Variants in BANK1 observed in about 807,000 individuals in gnomAD.
BANK1 encodes B cell scaffold protein with ankyrin repeats 1.
A neutral mutation model predicts 94.5 loss-of-function variants in BANK1; 95 were observed. The ratio of observed to expected loss-of-function variants is 1.00; its 90% confidence interval spans 0.85 to 1.19. The LOEUF (loss-of-function observed/expected upper bound fraction) is 1.19, where lower values mean the gene tolerates loss of function less well. Ranked by LOEUF, BANK1 falls within the 50% of genes most tolerant of loss-of-function variation. The pLI is 0.00. For missense variants in BANK1, 987 were observed against 932.2 expected (o/e 1.06, Z -0.77); for synonymous variants, 334 against 308.4 (o/e 1.08, Z -0.87).
At chr4:101,868,155 A>G (rs1054076419) in intron 4 of BANK1, among the ~76,000 whole-genome samples, 1 of 152,024 alleles carries the variant, frequency 6.6e-6, no homozygotes, top group African/African-American at 2.4e-5. Context: ...GTGCAAAAGT[A>G]ATTGCGGTTT....
In BANK1 at chr4:101,959,670, T is replaced by A. The variant is rs77346975; in HGVS notation, c.1206+41481T>A. On this transcript the variant is annotated intron_variant, in intron 7 of 16. Coordinates refer to ENST00000322953, the MANE Select transcript of BANK1 (RefSeq NM_017935.5). ...CCTTTAGCAATAATTGGAAAGGCAG[T>A]CTTACTGGTGAGTTAATCAAATGTG... 2.2e-3 allele frequency among the ~76,000 whole-genome samples: 330 copies of A among 152,304 alleles called. 2 individuals carry two copies. Among genetic ancestry groups the A allele is most frequent in the African/African-American group, 7.8e-3 (324 of 41,578 alleles).
chr4:101,928,650 A>G (rs1417703073), intron 7 of BANK1, among the ~76,000 whole-genome samples: 5 of 151,710 alleles, frequency 3.3e-5, no homozygotes, highest in African/African-American at 9.7e-5. Context: ...AGAACTCTCT[A>G]TTATAAGAAT....
At chr4:101,825,681 G>C (rs544269931) in intron 1 of BANK1, among the ~76,000 whole-genome samples, 2 of 151,884 alleles carry the variant, frequency 1.3e-5, no homozygotes, top group South Asian at 2.1e-4. Context: ...CAACATGCCT[G>C]GTACATAGAA....
At chr4:101,919,847 T>C (rs1722944752) in intron 7 of BANK1, among the ~76,000 whole-genome samples, 1 of 152,020 alleles carries the variant, frequency 6.6e-6, no homozygotes, top group African/African-American at 2.4e-5. Flanking sequence ...TTCATGACCA[T>C]GGATAATTTT....
At chr4:102,033,034 A>G (rs1379097398) in intron 10 of BANK1, among the ~76,000 whole-genome samples, 4 of 152,118 alleles carry the variant, frequency 2.6e-5, no homozygotes, top group African/African-American at 9.7e-5. Flanking sequence ...ATGTAAGTCT[A>G]TTCACCTATG....
intron 5 of BANK1, among the ~76,000 whole-genome samples, chr4:101,884,665 C>A (rs1214463968): frequency 6.6e-6 from 1 of 152,158 alleles, no homozygotes; most frequent in African/African-American, 2.4e-5. Flanking sequence ...ACATAAGAGT[C>A]TCCTTAATAT....
intron 5 of BANK1, among the ~76,000 whole-genome samples, chr4:101,890,718 T>TA (rs1453270370): frequency 1.3e-5 from 2 of 150,014 alleles, no homozygotes; most frequent in Admixed American, 6.6e-5. Context: ...TTTCATTTGT[T>TA]ATTTTTTTTT....
chr4:101,936,680 C>T (rs1723573475), intron 7 of BANK1, among the ~76,000 whole-genome samples: 1 of 151,372 alleles, frequency 6.6e-6, no homozygotes, highest in South Asian at 2.1e-4. Flanking sequence ...CAAAAGAAGA[C>T]ATACAAATAA....
intron 9 of BANK1, among the ~76,000 whole-genome samples, chr4:102,029,334 G>T (rs116830509): frequency 0.014 from 2,192 of 151,592 alleles, 48 homozygotes; most frequent in African/African-American, 0.05. Flanking sequence ...CATTTTCAGA[G>T]AAATTAAATT....
At chr4:101,900,608 T>A (rs574271284) in intron 6 of BANK1, among the ~76,000 whole-genome samples, 4 of 152,208 alleles carry the variant, frequency 2.6e-5, no homozygotes, top group African/African-American at 9.6e-5. Flanking sequence ...GACATACTGA[T>A]AGATTGCAGA....
At chr4:101,909,206 G>A (rs1331014034) in intron 6 of BANK1, among the ~76,000 whole-genome samples, 3 of 152,142 alleles carry the variant, frequency 2.0e-5, no homozygotes, top group Non-Finnish European at 4.4e-5. Flanking sequence ...GGAATACTAT[G>A]CAGCCATAAA....
intron 7 of BANK1, among the ~76,000 whole-genome samples, chr4:102,001,180 C>T (rs1726056581): frequency 6.6e-6 from 1 of 152,194 alleles, no homozygotes; most frequent in Admixed American, 6.5e-5. Context: ...TGAATAAAGG[C>T]TGTACGTTCA....
At chr4:102,067,760 TAA>T (rs1202814454) in intron 13 of BANK1, among the ~76,000 whole-genome samples, 1 of 152,004 alleles carries the variant, frequency 6.6e-6, no homozygotes, top group Non-Finnish European at 1.5e-5. Context: ...CAAAAATCAT[TAA>T]AGATACAGAA....
intron 7 of BANK1, among the ~76,000 whole-genome samples, chr4:101,967,602 G>A (rs528127626): frequency 1.4e-4 from 22 of 151,980 alleles, no homozygotes; most frequent in South Asian, 4.2e-4. Flanking sequence ...TAACTTTGTC[G>A]CTTTTTTTTA....
rs534387423 is a variant in BANK1, at chr4:102,026,697, C to T, written c.1594+1188C>T. On this transcript the variant is annotated intron_variant, in intron 9 of 16. Coordinates refer to ENST00000322953, the MANE Select transcript of BANK1 (RefSeq NM_017935.5). ...ATACAAAAATTAGCTGGGCGTGCAC[C>T]TGTAATGCCAGCAACTGGGGAGGCT... Among the ~76,000 whole-genome samples the T allele has an allele frequency of 2.6e-5, 4 of 151,872 alleles. No individual in the cohort carries two copies. The South Asian group carries it at 8.3e-4, about 32-fold the overall frequency.
At chr4:101,999,143 T>C (rs1725976723) in intron 7 of BANK1, among the ~76,000 whole-genome samples, 3 of 152,212 alleles carry the variant, frequency 2.0e-5, no homozygotes, top group Non-Finnish European at 4.4e-5. Context: ...GATTTCACTG[T>C]GAAATGCTGT....
chr4:101,817,443 C>T (rs1279701326), intron 1 of BANK1, among the ~76,000 whole-genome samples: 2 of 152,068 alleles, frequency 1.3e-5, no homozygotes, highest in Non-Finnish European at 2.9e-5. Flanking sequence ...AAACCAAATA[C>T]CGAATGTTCT....
intron 5 of BANK1, among the ~76,000 whole-genome samples, chr4:101,874,685 G>A (rs1728420643): frequency 6.6e-6 from 1 of 152,136 alleles, no homozygotes; most frequent in Non-Finnish European, 1.5e-5. Flanking sequence ...TCCTTTCACA[G>A]GCGCATCTTT....
chr4:101,810,803 A>G (rs1015771686), intron 1 of BANK1, among the ~76,000 whole-genome samples: 1 of 152,212 alleles, frequency 6.6e-6, no homozygotes, highest in East Asian at 1.9e-4. Flanking sequence ...CAGGATTGCT[A>G]TGAAGTTAAA....
Sources: gnomAD v4.1 joint callset for allele counts (sites outside exome capture counted in the v4.1 genomes callset) on GRCh38, gnomAD v4.1.1 for gene constraint, MANE v1.5 for transcripts, NCBI Gene and HGNC (gene_info 2026-07-23, HGNC 2026-07-21) for gene names.